The following HS3ST4 variants were observed in gnomAD, a reference collection of about 807,000 sequenced individuals.
HS3ST4 encodes heparan sulfate-glucosamine 3-sulfotransferase 4.
HS3ST4 carries 17 observed loss-of-function variants against 29.2 expected under a neutral mutation model. That is an observed-to-expected ratio of 0.58 (90% CI 0.40 to 0.87). The LOEUF is 0.87. Among genes scored for constraint, HS3ST4 ranks in the 40% least tolerant of loss-of-function variants. HS3ST4 has a pLI of 0.00. For missense variants in HS3ST4, 627 were observed against 634.5 expected (o/e 0.99, Z 0.13); for synonymous variants, 314 against 285.7 (o/e 1.10, Z -1.00).
At chr16:25,780,438 T>G (rs1438304832) in intron 1 of HS3ST4, among the ~76,000 whole-genome samples, 1 of 152,170 alleles carries the variant, frequency 6.6e-6, no homozygotes, top group East Asian at 1.9e-4. Context: ...TGGGTGATCA[T>G]AGGGGTCTCT....
chr16:25,982,492 T>A (rs1969017705), intron 1 of HS3ST4, among the ~76,000 whole-genome samples: 2 of 152,166 alleles, frequency 1.3e-5, no homozygotes, highest in Admixed American at 6.5e-5. Flanking sequence ...CAGCCACAGC[T>A]CTCTTAATAA....
At chr16:25,849,783 AG>A (rs1967499600) in intron 1 of HS3ST4, among the ~76,000 whole-genome samples, 1 of 152,042 alleles carries the variant, frequency 6.6e-6, no homozygotes, top group East Asian at 1.9e-4. Context: ...CTGGAACTAC[AG>A]GTGTGAGCCA....
At chr16:25,924,335 G>A (rs548623954) in intron 1 of HS3ST4, among the ~76,000 whole-genome samples, 17 of 152,132 alleles carry the variant, frequency 1.1e-4, no homozygotes, top group African/African-American at 3.1e-4. Flanking sequence ...AGCCCCTCTC[G>A]TTTTGAAGAT....
chr16:25,956,683 AGAAAG>A (rs1968735823), intron 1 of HS3ST4, among the ~76,000 whole-genome samples: 1 of 152,122 alleles, frequency 6.6e-6, no homozygotes, highest in African/African-American at 2.4e-5. Flanking sequence ...CTGGGGAAAA[AGAAAG>A]GAAAACCTGG....
chr16:25,984,978 G>T (rs887023640), intron 1 of HS3ST4, among the ~76,000 whole-genome samples: 1 of 152,176 alleles, frequency 6.6e-6, no homozygotes, highest in Non-Finnish European at 1.5e-5. Flanking sequence ...CTGAGCCTCA[G>T]GCTTGGTGGT....
intron 1 of HS3ST4, among the ~76,000 whole-genome samples, chr16:25,893,490 T>C (rs1188939796): frequency 3.9e-5 from 6 of 152,150 alleles, no homozygotes; most frequent in Non-Finnish European, 7.4e-5. Flanking sequence ...CAGCCTTGTG[T>C]CACATGCAAA....
chr16:25,813,595 C>CAAACAAA (rs1474235262), intron 1 of HS3ST4, among the ~76,000 whole-genome samples: 1 of 152,168 alleles, frequency 6.6e-6, no homozygotes. Flanking sequence ...GAAACTGTCT[C>CAAACAAA]AAACAAATAA....
intron 1 of HS3ST4, among the ~76,000 whole-genome samples, chr16:26,114,963 G>A (rs531451448): frequency 9.9e-5 from 15 of 152,106 alleles, no homozygotes; most frequent in South Asian, 6.2e-4. Context: ...ATGGAAAATC[G>A]GAAACTAAAG....
chr16:25,986,883 G>A (rs895284276), intron 1 of HS3ST4, among the ~76,000 whole-genome samples: 1 of 152,234 alleles, frequency 6.6e-6, no homozygotes, highest in African/African-American at 2.4e-5. Flanking sequence ...TTTTGCCACT[G>A]CGCTACATCT....
rs545814744 is a variant in HS3ST4, at chr16:25,992,874, CA to C, written c.735-142737del. On this transcript the variant is annotated intron_variant, in intron 1 of 1. Coordinates refer to ENST00000331351, the MANE Select transcript of HS3ST4 (RefSeq NM_006040.3). ...TATGGTGCAGGGAGTAATTTTGCTC[CA>C]GCTTTGGCTTGATTGAGGGTGAAGC... Among the ~76,000 whole-genome samples the C allele has an allele frequency of 4.6e-5, 7 of 152,334 alleles. No individual in the cohort carries two copies. In the South Asian group the frequency reaches 1.4e-3, roughly 32 times the overall value.
chr16:25,903,926 T>C (rs1567268879), intron 1 of HS3ST4, among the ~76,000 whole-genome samples: 1 of 152,218 alleles, frequency 6.6e-6, no homozygotes, highest in Non-Finnish European at 1.5e-5. Flanking sequence ...AGCACCTAAA[T>C]AGTTCACCTA....
chr16:25,837,081 C>A (rs963744040), intron 1 of HS3ST4, among the ~76,000 whole-genome samples: 3 of 152,212 alleles, frequency 2.0e-5, no homozygotes, highest in Admixed American at 6.5e-5. Flanking sequence ...ATCCGCAGTT[C>A]ATGGATGATT....
At chr16:25,921,724 C>A (rs1968356015) in intron 1 of HS3ST4, among the ~76,000 whole-genome samples, 1 of 151,828 alleles carries the variant, frequency 6.6e-6, no homozygotes, top group Non-Finnish European at 1.5e-5. Context: ...CCCTGGGTAC[C>A]ATTGATTAAT....
At chr16:25,908,541 G>A (rs544835703) in intron 1 of HS3ST4, among the ~76,000 whole-genome samples, 31 of 152,218 alleles carry the variant, frequency 2.0e-4, no homozygotes, top group African/African-American at 7.5e-4. Context: ...AGGTGAGGTC[G>A]AATACTCTTT....
At chr16:25,726,593 T>C (rs1055902426) in intron 1 of HS3ST4, among the ~76,000 whole-genome samples, 1 of 151,290 alleles carries the variant, frequency 6.6e-6, no homozygotes, top group Non-Finnish European at 1.5e-5. Flanking sequence ...AGGAAGCTTA[T>C]ATAAATATTT....
intron 1 of HS3ST4, among the ~76,000 whole-genome samples, chr16:25,803,310 A>C (rs1429717422): frequency 6.6e-6 from 1 of 152,188 alleles, no homozygotes; most frequent in East Asian, 1.9e-4. Flanking sequence ...GTTAAATAAA[A>C]ACTGAGACAA....
chr16:25,883,969 C>T (rs773118679), intron 1 of HS3ST4, among the ~76,000 whole-genome samples: 5 of 152,030 alleles, frequency 3.3e-5, no homozygotes, highest in African/African-American at 7.2e-5. Context: ...AAAAATTAGC[C>T]GACTGTGGTG....
intron 1 of HS3ST4, among the ~76,000 whole-genome samples, chr16:25,930,957 A>G (rs551069351): frequency 6.6e-6 from 1 of 152,238 alleles, no homozygotes; most frequent in South Asian, 2.1e-4. Context: ...TGTTTTTTAT[A>G]GAGACGGGGT....
At chr16:26,117,921 C>T (rs1467448820) in intron 1 of HS3ST4, among the ~76,000 whole-genome samples, 2 of 152,132 alleles carry the variant, frequency 1.3e-5, no homozygotes, top group African/African-American at 2.4e-5. Flanking sequence ...GAGGTACCAG[C>T]AATAATGTGA....
Sources: gnomAD v4.1 joint callset for allele counts (sites outside exome capture counted in the v4.1 genomes callset) on GRCh38, gnomAD v4.1.1 for gene constraint, MANE v1.5 for transcripts, NCBI Gene and HGNC (gene_info 2026-07-23, HGNC 2026-07-21) for gene names.